STXBP5L: variants seen among roughly 807,000 people sequenced by gnomAD.
The protein encoded by STXBP5L is syntaxin binding protein 5L, also known as syntaxin-binding protein 5-like.
A neutral mutation model predicts 144.5 loss-of-function variants in STXBP5L; 65 were observed. That is an observed-to-expected ratio of 0.45 (90% CI 0.37 to 0.55). The LOEUF (loss-of-function observed/expected upper bound fraction) is 0.55. STXBP5L is among the 20% of genes least tolerant of loss of function. STXBP5L has a pLI of 0.00. For synonymous variants in STXBP5L, 505 were observed against 469.6 expected, an observed-to-expected ratio of 1.08 and a Z score of -0.97; for missense variants, 1,298 against 1,405.5, an observed-to-expected ratio of 0.92 and a Z score of 1.22.
chr3:120,994,614 G>T (rs768083860), intron 3 of STXBP5L, among the ~76,000 whole-genome samples: 29 of 151,976 alleles, frequency 1.9e-4, no homozygotes, highest in Admixed American at 1.6e-3. Flanking sequence ...AAGTACCCTT[G>T]CCTCTCTGAG....
Position 121,030,912 on chromosome 3 carries a change from G to A in STXBP5L, c.288-10788G>A, listed in dbSNP as rs550170840. On this transcript the variant is annotated intron_variant, in intron 3 of 26. Coordinates refer to ENST00000471454, the MANE Select transcript of STXBP5L (RefSeq NM_001308330.2). The stretch of plus-strand genomic sequence containing the variant: ...AGGGAGTTTATTAAATGGATATTGG[G>A]TAACTTACTGGGAGAGCTGGAAAAA... Among the ~76,000 whole-genome samples, 7 of 152,180 alleles carry A rather than the reference G, an allele frequency of 4.6e-5. No homozygotes were observed. The South Asian group carries it at 1.2e-3, about 27-fold the overall frequency.
At chr3:121,078,972 C>T (rs371859455) in intron 5 of STXBP5L, among the ~76,000 whole-genome samples, 10 of 152,360 alleles carry the variant, frequency 6.6e-5, no homozygotes, top group South Asian at 2.1e-4. Flanking sequence ...GAGACAGCTC[C>T]GGCCTTGACC....
rs192592065 is a variant in STXBP5L at position 121,113,367 on chromosome 3, C to T, written c.471-1558C>T. Among the ~76,000 whole-genome samples, 270 of 152,196 alleles carry T rather than the reference C, an allele frequency of 1.8e-3. 1 individual carries two copies. Among genetic ancestry groups the T allele is most frequent in the African/African-American group, 6.3e-3 (261 of 41,544 alleles). ...GAATTGAAAATTGATTCTTCATTGC[C>T]TTGAAACATGACCATCAAGTTATTT... On this transcript the variant is annotated intron_variant, in intron 5 of 26. Transcript: ENST00000471454.
At chr3:121,380,371 A>G (rs2046294798) in intron 21 of STXBP5L, among the ~76,000 whole-genome samples, 1 of 152,156 alleles carries the variant, frequency 6.6e-6, no homozygotes, top group African/African-American at 2.4e-5. Flanking sequence ...AGGAGCCTGT[A>G]TTTATCCTCT....
chr3:120,911,989 C>T (rs570331694), intron 2 of STXBP5L, among the ~76,000 whole-genome samples: 2 of 152,074 alleles, frequency 1.3e-5, no homozygotes, highest in South Asian at 4.1e-4. Flanking sequence ...CTGGGTGCTT[C>T]TACCTTTTCA....
At chr3:121,408,268 T>C (rs1217629535) in intron 23 of STXBP5L, among the ~76,000 whole-genome samples, 1 of 151,998 alleles carries the variant, frequency 6.6e-6, no homozygotes, top group Non-Finnish European at 1.5e-5. Context: ...TACCTAATGA[T>C]TTTATGAATT....
intron 9 of STXBP5L, among the ~76,000 whole-genome samples, chr3:121,201,860 A>G (rs1445530235): frequency 1.3e-5 from 2 of 152,108 alleles, no homozygotes; most frequent in Non-Finnish European, 2.9e-5. Context: ...GGTTCAAGGG[A>G]TTCTCGTGCC....
chr3:121,404,192 T>A (rs911520222), intron 22 of STXBP5L, among the ~76,000 whole-genome samples: 1 of 152,142 alleles, frequency 6.6e-6, no homozygotes, highest in African/African-American at 2.4e-5. Context: ...ACAATTCCAT[T>A]CTTCCAGTTT....
chr3:121,403,986 C>G lies in STXBP5L; in HGVS notation c.2588-3257C>G, dbSNP rs897900819. Among the ~76,000 whole-genome samples, 9 of 152,236 alleles carry G rather than the reference C, an allele frequency of 5.9e-5. No individual in the cohort carries two copies. The East Asian group carries it at 1.7e-3, about 29-fold the overall frequency. On this transcript the variant is annotated intron_variant, in intron 22 of 26. Coordinates refer to ENST00000471454, the MANE Select transcript of STXBP5L (RefSeq NM_001308330.2). The stretch of plus-strand genomic sequence containing the variant: ...ATATTGAAGCACTAGATGAATTCAG[C>G]CAGCTTCATGCCTTTAAATGTCTGA...
At chr3:121,233,278 A>G (rs1036104691) in intron 11 of STXBP5L, among the ~76,000 whole-genome samples, 1 of 152,208 alleles carries the variant, frequency 6.6e-6, no homozygotes, top group African/African-American at 2.4e-5. Context: ...CAGATCTAAA[A>G]TACAAAGGTT....
intron 7 of STXBP5L, 82 bp downstream of exon 7, chr3:121,121,786 A>G: frequency 1.0e-6 from 1 of 974,136 alleles, no homozygotes; most frequent in Non-Finnish European, 1.6e-6. Context: ...TTTTATATCT[A>G]GTATCTAGCC....
In STXBP5L at chr3:121,318,486, C is replaced by A. The variant is rs752192741; in HGVS notation, c.2122C>A (p.Leu708Met). Residue 708 changes from leucine to methionine, a missense_variant, in exon 20 of 27, where the codon CTG (leucine) becomes ATG (methionine). Transcript: ENST00000471454. The stretch of plus-strand genomic sequence containing the variant: ...CATTGTATTTTCAGGTTTAACTGAA[C>A]TGAATGACAGTCCAGTTCCCCTAGA... ...NKQFIAGLTE[L>M]NDSPVPLELE... The A allele has an allele frequency of 5.1e-6, 8 of 1,559,710 alleles. No homozygotes were observed. In the East Asian group the frequency reaches 1.9e-4, roughly 37 times the overall value.
chr3:121,068,355 G>C (rs1046151429), intron 5 of STXBP5L, among the ~76,000 whole-genome samples: 1 of 152,130 alleles, frequency 6.6e-6, no homozygotes, highest in Non-Finnish European at 1.5e-5. Flanking sequence ...ATAATTTATT[G>C]ATATAGCTAG....
intron 3 of STXBP5L, among the ~76,000 whole-genome samples, chr3:120,983,788 T>C (rs942342882): frequency 4.6e-5 from 7 of 152,182 alleles, no homozygotes; most frequent in African/African-American, 7.2e-5. Flanking sequence ...GGATTCATTC[T>C]TATTTGCTTT....
At chr3:121,042,553 A>G (rs192942985) in intron 4 of STXBP5L, among the ~76,000 whole-genome samples, 1 of 152,140 alleles carries the variant, frequency 6.6e-6, no homozygotes, top group African/African-American at 2.4e-5. Flanking sequence ...TCGGAAAAAA[A>G]TGTTTGGTTA....
chr3:121,065,264 G>A (rs968216799), intron 5 of STXBP5L, among the ~76,000 whole-genome samples: 1 of 151,996 alleles, frequency 6.6e-6, no homozygotes, highest in African/African-American at 2.4e-5. Context: ...CCCAGTAATG[G>A]GATTGCTGGG....
chr3:120,954,643 A>G (rs1020513972), intron 2 of STXBP5L, among the ~76,000 whole-genome samples: 1 of 152,100 alleles, frequency 6.6e-6, no homozygotes, highest in Non-Finnish European at 1.5e-5. Flanking sequence ...TTTTATGAAC[A>G]TATGCTTTTA....
At chr3:121,350,419 A>C (rs895319643) in intron 20 of STXBP5L, among the ~76,000 whole-genome samples, 19 of 152,110 alleles carry the variant, frequency 1.2e-4, no homozygotes, top group Non-Finnish European at 1.8e-4. Flanking sequence ...ACTTTGGTGA[A>C]TCTGACAATT....
intron 2 of STXBP5L, among the ~76,000 whole-genome samples, chr3:120,917,191 C>G (rs1422255207): frequency 1.3e-5 from 2 of 152,056 alleles, no homozygotes; most frequent in African/African-American, 4.8e-5. Flanking sequence ...AAACAAACTT[C>G]AAAACAACAA....
Sources: gnomAD v4.1 joint callset for allele counts (sites outside exome capture counted in the v4.1 genomes callset) on GRCh38, gnomAD v4.1.1 for gene constraint, MANE v1.5 for transcripts, NCBI Gene and HGNC (gene_info 2026-07-23, HGNC 2026-07-21) for gene names.